The following RBFOX1 variants were observed in gnomAD, a reference collection of about 807,000 sequenced individuals.
RBFOX1 encodes the protein RNA binding protein fox-1 homolog 1.
A neutral mutation model predicts 57.7 loss-of-function variants in RBFOX1; 8 were observed. That is an observed-to-expected ratio of 0.14 (90% CI 0.08 to 0.25). RBFOX1 has a LOEUF of 0.25. Ranked by LOEUF, RBFOX1 falls within the 10% of genes least tolerant of loss-of-function variation. The pLI is 1.00. For missense variants in RBFOX1, 611 were observed against 548.5 expected, an observed-to-expected ratio of 1.11 and a Z score of -1.14; for synonymous variants, 326 against 222.4, an observed-to-expected ratio of 1.47 and a Z score of -4.15.
chr16:6,988,840 C>A (rs557341197), intron 3 of RBFOX1, among the ~76,000 whole-genome samples: 9 of 151,388 alleles, frequency 5.9e-5, no homozygotes, highest in African/African-American at 1.5e-4. Flanking sequence ...GGCATAATCT[C>A]GGCTCACTGC....
At chr16:6,483,908 G>A (rs6416814) in intron 2 of RBFOX1, 581,357 of 1,112,058 alleles carry the variant, frequency 0.52, 153,591 homozygotes, top group East Asian at 0.71. Context: ...CGCGTGAATG[G>A]GACGCGGTAT....
intron 3 of RBFOX1, among the ~76,000 whole-genome samples, chr16:6,876,892 T>C (rs1230590731): frequency 1.1e-4 from 16 of 152,220 alleles, no homozygotes; most frequent in Admixed American, 6.5e-5. Context: ...AAAAGTGCTT[T>C]TAGCCCACCA....
chr16:6,757,564 C>CA (rs1408265521), intron 3 of RBFOX1, among the ~76,000 whole-genome samples: 2 of 152,104 alleles, frequency 1.3e-5, no homozygotes, highest in East Asian at 3.9e-4. Context: ...ACAAATATGA[C>CA]ATGTTCTCAT....
At chr16:7,561,135 G>A (rs1428449691) in intron 5 of RBFOX1, among the ~76,000 whole-genome samples, 1 of 152,190 alleles carries the variant, frequency 6.6e-6, no homozygotes, top group Non-Finnish European at 1.5e-5. Context: ...TAGACACAGA[G>A]TATTTGTCCC....
intron 3 of RBFOX1, among the ~76,000 whole-genome samples, chr16:5,628,799 G>C (rs1023961059): frequency 2.0e-5 from 3 of 152,184 alleles, no homozygotes; most frequent in African/African-American, 7.2e-5. Context: ...GCATCCTTAT[G>C]GCTGAAGGGA....
At chr16:6,581,793 G>C (rs528465615) in intron 2 of RBFOX1, among the ~76,000 whole-genome samples, 1 of 152,294 alleles carries the variant, frequency 6.6e-6, no homozygotes, top group South Asian at 2.1e-4. Context: ...TGTGAAAATT[G>C]GATGTGTGTC....
intron 4 of RBFOX1, among the ~76,000 whole-genome samples, chr16:7,382,768 A>T (rs1468063370): frequency 6.6e-6 from 1 of 152,260 alleles, no homozygotes; most frequent in East Asian, 1.9e-4. Flanking sequence ...CATTAAATAG[A>T]AATTTATCCC....
intron 1 of RBFOX1, chr16:6,038,192 T>C (rs2152407184): frequency 6.6e-6 from 1 of 150,436 alleles, no homozygotes; most frequent in Admixed American, 6.6e-5. Flanking sequence ...AGTTTTTTTT[T>C]TTTGAGATGG....
chr16:6,124,407 G>C (rs2096573789), intron 1 of RBFOX1, among the ~76,000 whole-genome samples: 1 of 152,114 alleles, frequency 6.6e-6, no homozygotes, highest in African/African-American at 2.4e-5. Context: ...TTATTGTAAT[G>C]TAAATGAGCC....
At chr16:6,410,887 G>C (rs760280857) in intron 2 of RBFOX1, among the ~76,000 whole-genome samples, 1 of 152,172 alleles carries the variant, frequency 6.6e-6, no homozygotes, top group Non-Finnish European at 1.5e-5. Flanking sequence ...AGGTTTCTCA[G>C]CGCACAGTTG....
At chr16:6,945,710 G>A (rs1448935595) in intron 3 of RBFOX1, among the ~76,000 whole-genome samples, 4 of 152,118 alleles carry the variant, frequency 2.6e-5, no homozygotes, top group East Asian at 3.9e-4. Flanking sequence ...GGCCAACATG[G>A]TGAAAACCCG....
At chr16:5,704,554 T>C (rs959958465) in intron 3 of RBFOX1, among the ~76,000 whole-genome samples, 2 of 152,214 alleles carry the variant, frequency 1.3e-5, no homozygotes, top group African/African-American at 4.8e-5. Context: ...CACACCGTTA[T>C]TCCTCGGAGA....
intron 2 of RBFOX1, among the ~76,000 whole-genome samples, chr16:6,407,067 T>TAA (rs1180525312): frequency 6.6e-6 from 1 of 152,202 alleles, no homozygotes; most frequent in Non-Finnish European, 1.5e-5. Context: ...AACATGGTGT[T>TAA]ACGGTTGAAT....
At chr16:6,618,894 T>C (rs1286799336) in intron 2 of RBFOX1, among the ~76,000 whole-genome samples, 2 of 152,058 alleles carry the variant, frequency 1.3e-5, no homozygotes, top group Non-Finnish European at 2.9e-5. Flanking sequence ...TCCCCTTAGA[T>C]GAGGAAGGAG....
chr16:6,539,749 G>C (rs188857066), intron 2 of RBFOX1, among the ~76,000 whole-genome samples: 54 of 151,348 alleles, frequency 3.6e-4, no homozygotes, highest in African/African-American at 1.3e-3. Flanking sequence ...AGTGAGCTGA[G>C]ATCGTGCCAC....
intron 3 of RBFOX1, among the ~76,000 whole-genome samples, chr16:6,659,092 G>T (rs541355512): frequency 1.3e-5 from 2 of 152,020 alleles, no homozygotes; most frequent in South Asian, 4.2e-4. Flanking sequence ...TTTCTGCTGG[G>T]GCACTGAAGC....
chr16:7,057,879 G>A (rs1330335264), intron 4 of RBFOX1, among the ~76,000 whole-genome samples: 1 of 151,876 alleles, frequency 6.6e-6, no homozygotes, highest in African/African-American at 2.4e-5. Flanking sequence ...ATGGTGGCGG[G>A]CGCCTGTAGT....
intron 5 of RBFOX1, among the ~76,000 whole-genome samples, chr16:7,573,987 A>C (rs944509636): frequency 6.6e-6 from 1 of 152,086 alleles, no homozygotes; most frequent in Non-Finnish European, 1.5e-5. Context: ...CCTATTAGCA[A>C]GTTTCCTAGC....
chr16:5,332,879 A>G (rs1191028018), intron 1 of RBFOX1, among the ~76,000 whole-genome samples: 2 of 152,184 alleles, frequency 1.3e-5, no homozygotes, highest in Non-Finnish European at 2.9e-5. Flanking sequence ...GGAACAAGTT[A>G]TCTTTCATTA....
Sources: allele counts gnomAD v4.1 joint callset (sites outside exome capture counted in the v4.1 genomes callset), GRCh38; gene constraint gnomAD v4.1.1; transcripts MANE v1.5; gene names NCBI Gene and HGNC (gene_info 2026-07-23, HGNC 2026-07-21).